Variants in AGPAT4 observed in about 807,000 individuals in gnomAD.
AGPAT4 encodes 1-acyl-sn-glycerol-3-phosphate acyltransferase delta.
A neutral mutation model predicts 48.0 loss-of-function variants in AGPAT4; 15 were observed. That is an observed-to-expected ratio of 0.31 (90% CI 0.21 to 0.48). AGPAT4 has a LOEUF of 0.48. Among genes scored for constraint, AGPAT4 ranks in the 20% least tolerant of loss-of-function variants. The probability of loss-of-function intolerance (pLI) is 0.99; values close to 1 mark genes in which losing one functional copy is unlikely to be tolerated. For missense variants in AGPAT4, 314 were observed against 482.5 expected, an observed-to-expected ratio of 0.65 and a Z score of 3.27; for synonymous variants, 178 against 198.7, an observed-to-expected ratio of 0.90 and a Z score of 0.88.
rs1779152993 is a variant in AGPAT4, at chr6:161,138,590, T to C, written c.1042+832A>G. ...ACTTTCCATTTTCTGCGCTTGTCTATTGCTTGGGCCTTTTATAGTGAGCAT... is the reference window on the plus strand; with the variant it reads ...ACTTTCCATTTTCTGCGCTTGTCTACTGCTTGGGCCTTTTATAGTGAGCAT... On this transcript the variant is annotated intron_variant, in intron 8 of 8. Transcript: ENST00000320285. The surrounding 1 kb of genome is among the most constrained non-coding windows in gnomAD (Gnocchi z 4.8). Among the ~76,000 whole-genome samples, 1 of 152,176 alleles carries C rather than the reference T, an allele frequency of 6.6e-6. No homozygotes were observed. The highest frequency in any genetic ancestry group is 1.5e-5 in the Non-Finnish European group (1 of 68,032).
At position 161,164,012 on chromosome 6, in the gene AGPAT4, T is replaced by C. The variant is rs1780017533; in HGVS notation, c.348+2236A>G. ...AATGAGTGAAGTCCTATAAATAGAA[T>C]ATCACCGATGAAATCAAGGGGAGGT... is the stretch of plus-strand genomic sequence containing the variant. On this transcript the variant is annotated intron_variant, in intron 3 of 8. Transcript: ENST00000320285. The surrounding 1 kb of genome is among the most constrained non-coding windows in gnomAD (Gnocchi z 7.4). 1.3e-5 allele frequency among the ~76,000 whole-genome samples: 2 copies of C among 152,278 alleles called. No homozygotes were observed. The highest frequency in any genetic ancestry group is 4.8e-5 in the African/African-American group (2 of 41,544).
Position 161,218,226 on chromosome 6 carries a change from G to A in AGPAT4, c.178+13810C>T, listed in dbSNP as rs1438285869. Among the ~76,000 whole-genome samples, 2 of 152,296 alleles carry A rather than the reference G, an allele frequency of 1.3e-5. No individual in the cohort carries two copies. Among genetic ancestry groups the A allele is most frequent in the African/African-American group, 4.8e-5 (2 of 41,568 alleles). ...AATGGTTAACAACCAGCTCTTGTGT[G>A]GCAGGGGAGGCAGTAGGTGGGAGGA... is the stretch of plus-strand genomic sequence containing the variant. On this transcript the variant is annotated intron_variant, in intron 2 of 8. Transcript: ENST00000320285. The surrounding 1 kb of genome is among the most constrained non-coding windows in gnomAD (Gnocchi z 4.7).
At chr6:161,253,700 T>C (rs887952396) in intron 1 of AGPAT4, among the ~76,000 whole-genome samples, 2 of 152,212 alleles carry the variant, frequency 1.3e-5, no homozygotes, top group African/African-American at 4.8e-5. Flanking sequence ...TTTTATTCTT[T>C]TACTGTATTA....
chr6:161,162,925 C>T (rs1779978541), intron 3 of AGPAT4, among the ~76,000 whole-genome samples: 9 of 152,202 alleles, frequency 5.9e-5, no homozygotes, highest in Admixed American at 5.9e-4. Flanking sequence ...TGTTGGGCAC[C>T]TTAGTGACCT....
At chr6:161,256,382 G>A (rs920959083) in intron 1 of AGPAT4, among the ~76,000 whole-genome samples, 22 of 152,192 alleles carry the variant, frequency 1.4e-4, no homozygotes, top group East Asian at 1.3e-3. Flanking sequence ...AAAAGTCTTC[G>A]GTGGATCAAA....
intron 2 of AGPAT4, among the ~76,000 whole-genome samples, chr6:161,173,290 T>C (rs998462074): frequency 6.6e-6 from 1 of 152,168 alleles, no homozygotes; most frequent in Non-Finnish European, 1.5e-5. Flanking sequence ...TTTCTCCACA[T>C]CCTCTCCAGC....
intron 2 of AGPAT4, among the ~76,000 whole-genome samples, chr6:161,188,241 G>A (rs534745465): frequency 6.6e-6 from 1 of 152,300 alleles, no homozygotes; most frequent in South Asian, 2.1e-4. Context: ...ATGGGACATT[G>A]ATTGCTTCCA....
chr6:161,259,557 A>G lies in AGPAT4; in HGVS notation c.-90+14381T>C, dbSNP rs1783041823. ...TGAAAACTCACTAACTCTATACTCA[A>G]TGCAGGAAAGGCTACAGCATTTGCC... On this transcript the variant is annotated intron_variant, in intron 1 of 8. Coordinates refer to ENST00000320285, the MANE Select transcript of AGPAT4 (RefSeq NM_020133.3). The surrounding 1 kb of genome is among the most constrained non-coding windows in gnomAD (Gnocchi z 4.9). Among the ~76,000 whole-genome samples, 1 of 152,158 alleles carries G rather than the reference A, an allele frequency of 6.6e-6. No individual in the cohort carries two copies. The highest frequency in any genetic ancestry group is 2.0e-4 in the East Asian group (1 of 5,076).
chr6:161,134,460 A>G lies in AGPAT4; in HGVS notation c.*2080T>C, dbSNP rs1011903881. The G allele has an allele frequency of 6.6e-6, 1 of 152,218 alleles. No individual in the cohort carries two copies. Among genetic ancestry groups the G allele is most frequent in the Non-Finnish European group, 1.5e-5 (1 of 68,038 alleles). 9.4% of individuals were successfully genotyped at this position (152,218 alleles called of 1,614,324 possible). A position where few individuals can be genotyped will look rare whatever the true frequency, so the allele number is the denominator to read the frequency against. On this transcript the variant is annotated 3_prime_UTR_variant, in exon 9 of 9. Transcript: ENST00000320285. ...TCTGAGCATTTTTGAGAGTAGCAAC[A>G]TAGAGGCAGCTTTCTAGTCTTTCAT...
Position 161,135,545 on chromosome 6 carries a change from C to T in AGPAT4, c.*995G>A, listed in dbSNP as rs912216032. 1 of 152,220 alleles carries T rather than the reference C, an allele frequency of 6.6e-6. No individual in the cohort carries two copies. The highest frequency in any genetic ancestry group is 2.4e-5 in the African/African-American group (1 of 41,432). 9.4% of individuals were successfully genotyped at this position (152,220 alleles called of 1,614,324 possible). A position where few individuals can be genotyped will look rare whatever the true frequency, so the allele number is the denominator to read the frequency against. ...GGGATGTCGGCTCTGATTTGACCCT[C>T]ATCAGAGCAGGACCTGGCTCCTTTA... is the stretch of plus-strand genomic sequence containing the variant. On this transcript the variant is annotated 3_prime_UTR_variant, in exon 9 of 9. Coordinates refer to ENST00000320285, the MANE Select transcript of AGPAT4 (RefSeq NM_020133.3).
At position 161,148,795 on chromosome 6, in the gene AGPAT4, A is replaced by G. The variant is rs1285111408; in HGVS notation, c.767+392T>C. ...CTGGAACATAACACATAAGTGAGACACTGCAAGAGTTCTGCATTTGTGTCT... is the reference window on the plus strand; with the variant it reads ...CTGGAACATAACACATAAGTGAGACGCTGCAAGAGTTCTGCATTTGTGTCT... On this transcript the variant is annotated intron_variant, in intron 6 of 8. Transcript: ENST00000320285. This position sits in a 1 kb window ranked among gnomAD's most constrained non-coding sequence, Gnocchi z 5.5. Among the ~76,000 whole-genome samples, 1 of 152,224 alleles carries G rather than the reference A, an allele frequency of 6.6e-6. No homozygotes were observed. The highest frequency in any genetic ancestry group is 1.5e-5 in the Non-Finnish European group (1 of 68,040).
rs79861470 is a variant in AGPAT4 at position 161,223,180 on chromosome 6, C to T, written c.178+8856G>A. Among the ~76,000 whole-genome samples the T allele has an allele frequency of 6.6e-6, 1 of 152,166 alleles. No individual in the cohort carries two copies. Among genetic ancestry groups the T allele is most frequent in the Admixed American group, 6.5e-5 (1 of 15,272 alleles). ...GTCCCTACCAAGGACAGCAGCTGCA[C>T]CCCTCTCATCTCTGTTCTCCAGGTG... On this transcript the variant is annotated intron_variant, in intron 2 of 8. Coordinates refer to ENST00000320285, the MANE Select transcript of AGPAT4 (RefSeq NM_020133.3). This position sits in a 1 kb window ranked among gnomAD's most constrained non-coding sequence, Gnocchi z 6.3.
At position 161,133,707 on chromosome 6, in the gene AGPAT4, TCTCCAGATTTCA is replaced by T. The variant is rs1778976231; in HGVS notation, c.*2821_*2832del. 6.6e-6 allele frequency: 1 copy of T among 152,184 alleles called. No homozygotes were observed. The highest frequency in any genetic ancestry group is 1.5e-5 in the Non-Finnish European group (1 of 68,066). The allele number at this position is 152,184 out of a possible 1,614,324, so 9.4% of individuals were successfully genotyped here. On this transcript the variant is annotated 3_prime_UTR_variant, in exon 9 of 9. Transcript: ENST00000320285. ...ACGTCTGGGGATGACCCTGCACTGCTCTCCAGATTTCACTCAAGGTTCGTATTTTTCTCTGCC... is the reference window on the plus strand; with the variant it reads ...ACGTCTGGGGATGACCCTGCACTGCTCTCAAGGTTCGTATTTTTCTCTGCC...
rs745669586 is a variant in AGPAT4 at position 161,135,882 on chromosome 6, A to C, written c.*658T>G. 1 of 152,610 alleles carries C rather than the reference A, an allele frequency of 6.6e-6. No individual in the cohort carries two copies. The highest frequency in any genetic ancestry group is 2.1e-4 in the South Asian group (1 of 4,834). 9.5% of individuals were successfully genotyped at this position (152,610 alleles called of 1,614,324 possible). ...GTTGGTCTCCACGCACGTGCTTGCC[A>C]TCTCTGCTCTCACAAATGCTCACGG... is the stretch of plus-strand genomic sequence containing the variant. On this transcript the variant is annotated 3_prime_UTR_variant, in exon 9 of 9. Coordinates refer to ENST00000320285, the MANE Select transcript of AGPAT4 (RefSeq NM_020133.3).
intron 7 of AGPAT4, among the ~76,000 whole-genome samples, chr6:161,145,250 A>G (rs1047871102): frequency 6.6e-6 from 1 of 151,658 alleles, no homozygotes; most frequent in Admixed American, 6.5e-5. Context: ...TCTAGGTTCT[A>G]CCTCTAACCT....
chr6:161,200,630 C>A lies in AGPAT4; in HGVS notation c.178+31406G>T, dbSNP rs1339889119. On this transcript the variant is annotated intron_variant, in intron 2 of 8. Coordinates refer to ENST00000320285, the MANE Select transcript of AGPAT4 (RefSeq NM_020133.3). This position sits in a 1 kb window ranked among gnomAD's most constrained non-coding sequence, Gnocchi z 5.5. ...AAGAATTATTGGCACCTCTTCTTTT[C>A]TTCAATAATCATATTTACTATGTTG... Among the ~76,000 whole-genome samples the A allele has an allele frequency of 6.6e-6, 1 of 152,156 alleles. No individual in the cohort carries two copies. The highest frequency in any genetic ancestry group is 1.5e-5 in the Non-Finnish European group (1 of 68,012).
Position 161,259,734 on chromosome 6 carries a change from A to G in AGPAT4, c.-90+14204T>C, listed in dbSNP as rs772067977. On this transcript the variant is annotated intron_variant, in intron 1 of 8. Transcript: ENST00000320285. The surrounding 1 kb of genome is among the most constrained non-coding windows in gnomAD (Gnocchi z 4.9). ...GACTCTCTGGCTGAGTGGCACCTTG[A>G]GCTTACCAACAGGGCAACTCCTCAA... Among the ~76,000 whole-genome samples, 4 of 152,094 alleles carry G rather than the reference A, an allele frequency of 2.6e-5. No homozygotes were observed. The highest frequency in any genetic ancestry group is 6.5e-5 in the Admixed American group (1 of 15,276).
chr6:161,251,591 C>T lies in AGPAT4; in HGVS notation c.-89-19289G>A, dbSNP rs1782804912. ...TACCCTGCATTACAGACCAGCCTGT[C>T]CGGCCGCTGGTTAAAGACCCGCAGG... On this transcript the variant is annotated intron_variant, in intron 1 of 8. Coordinates refer to ENST00000320285, the MANE Select transcript of AGPAT4 (RefSeq NM_020133.3). The surrounding 1 kb of genome is among the most constrained non-coding windows in gnomAD (Gnocchi z 4.6). Among the ~76,000 whole-genome samples, 1 of 152,194 alleles carries T rather than the reference C, an allele frequency of 6.6e-6. No homozygotes were observed.
chr6:161,244,182 T>C lies in AGPAT4; in HGVS notation c.-89-11880A>G, dbSNP rs1443777727. Among the ~76,000 whole-genome samples, 1 of 152,166 alleles carries C rather than the reference T, an allele frequency of 6.6e-6. No homozygotes were observed. The highest frequency in any genetic ancestry group is 1.5e-5 in the Non-Finnish European group (1 of 68,038). On this transcript the variant is annotated intron_variant, in intron 1 of 8. Coordinates refer to ENST00000320285, the MANE Select transcript of AGPAT4 (RefSeq NM_020133.3). This position sits in a 1 kb window ranked among gnomAD's most constrained non-coding sequence, Gnocchi z 4.7. ...CTCAAACAGACATACAGCGAGGAGC[T>C]GACGACACAATTCTAACAAATACAG...
Sources: gnomAD v4.1 joint callset for allele counts (sites outside exome capture counted in the v4.1 genomes callset) on GRCh38, gnomAD v4.1.1 for gene constraint, Gnocchi (gnomAD v3.1) non-coding constraint, MANE v1.5 for transcripts, NCBI Gene and HGNC (gene_info 2026-07-23, HGNC 2026-07-21) for gene names.